The following DPP10 variants were observed in gnomAD, a reference collection of about 807,000 sequenced individuals.
The protein encoded by DPP10 is inactive dipeptidyl peptidase 10.
A neutral mutation model predicts 120.9 loss-of-function variants in DPP10; 33 were observed. The observed-to-expected ratio is 0.27, with a 90% CI of 0.21 to 0.37. The LOEUF (loss-of-function observed/expected upper bound fraction) is 0.37, where lower values mean the gene tolerates loss of function less well. Among genes scored for constraint, DPP10 ranks in the 10% least tolerant of loss-of-function variants. The pLI is 1.00. For missense variants in DPP10, 816 were observed against 942.8 expected (o/e 0.87, Z 1.76); for synonymous variants, 337 against 326.1 (o/e 1.03, Z -0.36).
chr2:115,797,974 C>T (rs746210216), intron 19 of DPP10, among the ~76,000 whole-genome samples: 7 of 151,172 alleles, frequency 4.6e-5, no homozygotes, highest in African/African-American at 1.5e-4. Flanking sequence ...TATATACACA[C>T]GTATATGCAC....
intron 5 of DPP10, among the ~76,000 whole-genome samples, chr2:115,637,674 G>A (rs1173352629): frequency 6.6e-6 from 1 of 152,128 alleles, no homozygotes; most frequent in East Asian, 1.9e-4. Context: ...ATTTATGAGT[G>A]AGCCCCGAAA....
intron 5 of DPP10, among the ~76,000 whole-genome samples, chr2:115,564,294 A>G (rs1039620474): frequency 1.6e-4 from 23 of 143,498 alleles, no homozygotes; most frequent in African/African-American, 5.7e-4. Flanking sequence ...TTTTATCCTG[A>G]CTGTCTGCAT....
intron 1 of DPP10, among the ~76,000 whole-genome samples, chr2:114,566,748 G>T (rs1362946625): frequency 6.6e-6 from 1 of 152,180 alleles, no homozygotes; most frequent in Non-Finnish European, 1.5e-5. Flanking sequence ...CCAGGCAGGT[G>T]GTCTAGAGTC....
intron 21 of DPP10, among the ~76,000 whole-genome samples, chr2:115,834,092 T>C (rs1166258453): frequency 6.6e-6 from 1 of 152,200 alleles, no homozygotes; most frequent in Non-Finnish European, 1.5e-5. Flanking sequence ...TTTCCTTCAG[T>C]TACTAATCGT....
intron 1 of DPP10, among the ~76,000 whole-genome samples, chr2:115,162,763 A>G (rs531487656): frequency 1.3e-5 from 2 of 151,868 alleles, no homozygotes; most frequent in Non-Finnish European, 2.9e-5. Flanking sequence ...ACACCCGCCA[A>G]CCCCTTTTTG....
At chr2:115,841,929 A>G (rs1394592324) in intron 25 of DPP10, among the ~76,000 whole-genome samples, 1 of 152,212 alleles carries the variant, frequency 6.6e-6, no homozygotes, top group African/African-American at 2.4e-5. Context: ...AACTGTCCAA[A>G]GTTTAGTCAA....
At chr2:114,991,641 A>C (rs1482157798) in intron 1 of DPP10, among the ~76,000 whole-genome samples, 2 of 152,232 alleles carry the variant, frequency 1.3e-5, no homozygotes, top group Non-Finnish European at 2.9e-5. Context: ...GTTATGGATG[A>C]GGCATTCAAA....
At chr2:115,436,966 C>CAAAA (rs1350971421) in intron 3 of DPP10, among the ~76,000 whole-genome samples, 1 of 151,846 alleles carries the variant, frequency 6.6e-6, no homozygotes, top group Non-Finnish European at 1.5e-5. Flanking sequence ...ACTGCAATTT[C>CAAAA]ACAAAGTATA....
At chr2:115,733,372 A>C (rs983664991) in intron 8 of DPP10, among the ~76,000 whole-genome samples, 23 of 152,206 alleles carry the variant, frequency 1.5e-4, no homozygotes, top group African/African-American at 5.5e-4. Flanking sequence ...AGGCAGGGTT[A>C]TCAGTAGTGC....
intron 11 of DPP10, among the ~76,000 whole-genome samples, chr2:115,761,962 T>C (rs556047776): frequency 1.8e-4 from 28 of 152,206 alleles, no homozygotes; most frequent in Non-Finnish European, 3.1e-4. Flanking sequence ...TTGTTTTTTC[T>C]ACACATATTT....
intron 7 of DPP10, among the ~76,000 whole-genome samples, chr2:115,706,001 A>T (rs1415168155): frequency 6.6e-6 from 1 of 151,842 alleles, no homozygotes; most frequent in Non-Finnish European, 1.5e-5. Flanking sequence ...GGGGAAAAAA[A>T]CAGGAAACAA....
intron 1 of DPP10, among the ~76,000 whole-genome samples, chr2:114,754,744 G>A (rs574620823): frequency 2.8e-3 from 426 of 152,196 alleles, no homozygotes; most frequent in African/African-American, 9.4e-3. Context: ...GCATTTCTAA[G>A]CATTGATTTT....
chr2:115,647,623 G>A (rs900500794), intron 5 of DPP10, among the ~76,000 whole-genome samples: 3 of 152,086 alleles, frequency 2.0e-5, no homozygotes, highest in Admixed American at 1.3e-4. Flanking sequence ...CAAAATACCT[G>A]ATACTGGGTA....
intron 5 of DPP10, among the ~76,000 whole-genome samples, chr2:115,632,312 G>C (rs1185428522): frequency 7.9e-5 from 12 of 151,964 alleles, no homozygotes; most frequent in Admixed American, 1.3e-4. Context: ...ACGTGAGATG[G>C]GTTTCTTGAA....
At chr2:115,765,409 A>G (rs1168649279) in intron 12 of DPP10, among the ~76,000 whole-genome samples, 1 of 152,156 alleles carries the variant, frequency 6.6e-6, no homozygotes, top group East Asian at 1.9e-4. Context: ...TCATCTATTC[A>G]CCAATTATGA....
chr2:115,290,500 T>G (rs796234060), intron 1 of DPP10, among the ~76,000 whole-genome samples: 8 of 152,282 alleles, frequency 5.3e-5, no homozygotes, highest in African/African-American at 1.9e-4. Context: ...TGCACTTCTC[T>G]CAACTTTCCT....
intron 5 of DPP10, among the ~76,000 whole-genome samples, chr2:115,649,792 A>G (rs912257378): frequency 2.0e-5 from 3 of 152,108 alleles, no homozygotes; most frequent in Non-Finnish European, 4.4e-5. Flanking sequence ...AAATAGTGAG[A>G]AAATAAATAT....
At chr2:115,384,707 A>AAGAAAGAAGAAGAAG (rs1553574793) in intron 3 of DPP10, among the ~76,000 whole-genome samples, 35 of 148,552 alleles carry the variant, frequency 2.4e-4, no homozygotes, top group African/African-American at 8.6e-4. Flanking sequence ...AAGAAAGAAG[A>AAGAAAGAAGAAGAAG]AAGAAGAAGA....
chr2:114,733,450 A>G (rs1440165106), intron 1 of DPP10, among the ~76,000 whole-genome samples: 35 of 152,198 alleles, frequency 2.3e-4, no homozygotes, highest in Non-Finnish European at 4.7e-4. Context: ...ATACTATGAA[A>G]AGAAAGAAAT....
Sources: allele counts gnomAD v4.1 joint callset (sites outside exome capture counted in the v4.1 genomes callset), GRCh38; gene constraint gnomAD v4.1.1; transcripts MANE v1.5; gene names NCBI Gene and HGNC (gene_info 2026-07-23, HGNC 2026-07-21).